The following CFAP47 variants were observed in gnomAD, a reference collection of about 807,000 sequenced individuals.
CFAP47 encodes cilia- and flagella-associated protein 47.
A neutral mutation model predicts 148.1 loss-of-function variants in CFAP47; 29 were observed. The ratio of observed to expected loss-of-function variants is 0.20; its 90% CI spans 0.15 to 0.27. The LOEUF (loss-of-function observed/expected upper bound fraction) is 0.27, where lower values mean the gene tolerates loss of function less well. Ranked by LOEUF, CFAP47 falls within the 10% of genes least tolerant of loss-of-function variation. CFAP47 has a pLI of 1.00. For synonymous variants in CFAP47, 664 were observed against 577.3 expected, an observed-to-expected ratio of 1.15 and a Z score of -2.15; for missense variants, 1,872 against 1,697.5, an observed-to-expected ratio of 1.10 and a Z score of -1.81.
In CFAP47 at chrX:36,337,578, C is replaced by T. The variant is rs377225371; in HGVS notation, c.8444-10551C>T. Among the ~76,000 whole-genome samples, 5 of 111,694 alleles carry T rather than the reference C, an allele frequency of 4.5e-5. No homozygotes were observed. In the East Asian group the frequency reaches 8.4e-4, roughly 19 times the overall value. On this transcript the variant is annotated intron_variant, in intron 57 of 63. Transcript: ENST00000378653. ...CCTACAGTGAATTGAAACCTGAAGA[C>T]TACTAGTGACATGTAACACTTCTGC...
At chrX:36,046,658 T>G (rs1937470525) in intron 25 of CFAP47, among the ~76,000 whole-genome samples, 196 bp from the exon 26 acceptor site, 1 of 111,654 alleles carries the variant, frequency 9.0e-6, no homozygotes, top group African/African-American at 3.2e-5. Flanking sequence ...TCTCAAGTGG[T>G]TCTTAGTTAT....
chrX:35,966,351 TA>T (rs907557129), intron 8 of CFAP47, among the ~76,000 whole-genome samples: 3 of 105,517 alleles, frequency 2.8e-5, no homozygotes. Context: ...TTAAGAAAAA[TA>T]AAAAATTTTA....
chrX:36,115,950 A>G (rs767248871), intron 33 of CFAP47, among the ~76,000 whole-genome samples: 124 of 112,227 alleles, frequency 1.1e-3, no homozygotes, highest in African/African-American at 4.0e-3. Flanking sequence ...TATAGTTTGA[A>G]TAAATCAACC....
intron 45 of CFAP47, among the ~76,000 whole-genome samples, chrX:36,214,709 C>T (rs782566223): frequency 1.6e-4 from 18 of 110,746 alleles, no homozygotes; most frequent in Non-Finnish European, 2.6e-4. Context: ...TACACAGAGT[C>T]GGGATCATCA....
At chrX:36,223,389 A>G (rs1370094341) in intron 45 of CFAP47, among the ~76,000 whole-genome samples, 1 of 110,782 alleles carries the variant, frequency 9.0e-6, no homozygotes, top group Non-Finnish European at 1.9e-5. Context: ...TCTCTAAAAT[A>G]TAATTATTCA....
chrX:36,378,926 C>T (rs1569331975), intron 62 of CFAP47, among the ~76,000 whole-genome samples: 1 of 111,039 alleles, frequency 9.0e-6, no homozygotes, highest in Non-Finnish European at 1.9e-5. Context: ...ATTCTCCTGC[C>T]TCAGCCTCCT....
At chrX:36,152,655 T>C (rs1185452195) in intron 37 of CFAP47, among the ~76,000 whole-genome samples, 1 of 112,035 alleles carries the variant, frequency 8.9e-6, no homozygotes, top group Non-Finnish European at 1.9e-5. Context: ...CAAGTATGCC[T>C]GTCTCTCTAA....
chrX:36,056,222 A>G (rs1003569135), intron 26 of CFAP47, among the ~76,000 whole-genome samples: 1 of 111,779 alleles, frequency 8.9e-6, no homozygotes, highest in Non-Finnish European at 1.9e-5. Context: ...TAAAAACCAT[A>G]ATGCATCATC....
intron 33 of CFAP47, among the ~76,000 whole-genome samples, chrX:36,136,892 TTGTTTGCTA>T (rs1412005506): frequency 1.8e-5 from 2 of 111,558 alleles, no homozygotes; most frequent in Non-Finnish European, 3.8e-5. Context: ...AATACAGAAG[TTGTTTGCTA>T]TGCATTAGTT....
At chrX:36,151,751 C>T (rs1300552274) in intron 37 of CFAP47, among the ~76,000 whole-genome samples, 1 of 111,905 alleles carries the variant, frequency 8.9e-6, no homozygotes, top group Admixed American at 9.5e-5. Flanking sequence ...TTGACTATTT[C>T]TAAGCAATCC....
chrX:36,179,684 T>C (rs929398226), intron 40 of CFAP47, among the ~76,000 whole-genome samples: 2 of 112,003 alleles, frequency 1.8e-5, no homozygotes, highest in Non-Finnish European at 3.8e-5. Flanking sequence ...CTGCACATAT[T>C]ATGTTTGTGA....
chrX:36,041,252 A>G (rs995139069), intron 25 of CFAP47, among the ~76,000 whole-genome samples: 5 of 111,495 alleles, frequency 4.5e-5, no homozygotes, highest in African/African-American at 6.5e-5. Flanking sequence ...ACAAGGAACA[A>G]AACAGAGAAG....
rs1466581906 is a variant in CFAP47, at chrX:36,355,537, C to A, written c.8851+1856C>A. On this transcript the variant is annotated intron_variant, in intron 60 of 63. Transcript: ENST00000378653. The stretch of plus-strand genomic sequence containing the variant: ...TATACTATCTTGAAATAATATTCAG[C>A]CTTAAAAAGGAGGAAATTCTATAAT... Among the ~76,000 whole-genome samples, 4 of 111,343 alleles carry A rather than the reference C, an allele frequency of 3.6e-5. No individual in the cohort carries two copies. The Admixed American group carries it at 3.8e-4, about 11-fold the overall frequency.
chrX:36,359,641 C>T (rs969493004), intron 60 of CFAP47, among the ~76,000 whole-genome samples: 2 of 111,711 alleles, frequency 1.8e-5, no homozygotes, highest in Admixed American at 1.9e-4. Flanking sequence ...TGCTTTTGAA[C>T]ACCCTTTCAT....
intron 23 of CFAP47, among the ~76,000 whole-genome samples, chrX:36,032,864 A>T (rs1937296544): frequency 9.0e-6 from 1 of 111,543 alleles, no homozygotes; most frequent in African/African-American, 3.3e-5. Context: ...ATCTAATAAC[A>T]TGAGTGGTTA....
intron 23 of CFAP47, among the ~76,000 whole-genome samples, chrX:36,035,278 AAC>A (rs1937324952): frequency 9.0e-6 from 1 of 111,613 alleles, no homozygotes; most frequent in African/African-American, 3.3e-5. Flanking sequence ...TTCAGTCAAA[AAC>A]ACAGTTTTTC....
At chrX:36,256,448 G>A (rs782048173) in intron 49 of CFAP47, among the ~76,000 whole-genome samples, 1 of 111,832 alleles carries the variant, frequency 8.9e-6, no homozygotes, top group Non-Finnish European at 1.9e-5. Context: ...TAAGAGTTAA[G>A]ACTGTATCAT....
chrX:36,248,496 T>TCA (rs60595897), intron 48 of CFAP47, among the ~76,000 whole-genome samples: 4,084 of 95,400 alleles, frequency 0.043, 82 homozygotes, highest in Non-Finnish European at 0.064. Context: ...ACATATTATA[T>TCA]CACACACACA....
At chrX:36,235,374 G>A (rs961711134) in intron 46 of CFAP47, among the ~76,000 whole-genome samples, 1 of 112,378 alleles carries the variant, frequency 8.9e-6, no homozygotes, top group Admixed American at 9.4e-5. Flanking sequence ...ATCTCAGACT[G>A]TTGTGCTAGC....
Sources: gnomAD v4.1 joint callset for allele counts (sites outside exome capture counted in the v4.1 genomes callset) on GRCh38, gnomAD v4.1.1 for gene constraint, MANE v1.5 for transcripts, NCBI Gene and HGNC (gene_info 2026-07-23, HGNC 2026-07-21) for gene names.